The following DNMT3A variants were observed in gnomAD, a reference collection of about 807,000 sequenced individuals.
DNMT3A encodes DNA (cytosine-5)-methyltransferase 3A.
Under a neutral mutation model 117.6 loss-of-function variants are expected in DNMT3A, and 267 were observed. That is an observed-to-expected ratio of 2.27 (90% CI 2.05 to 2.51). The LOEUF is 2.51. DNMT3A is among the 30% of genes most tolerant of loss of function. The pLI, the probability that DNMT3A is intolerant of heterozygous loss-of-function variation, is 0.00. For missense variants in DNMT3A, 1,029 were observed against 1,260.2 expected (o/e 0.82, Z 2.78); for synonymous variants, 432 against 474.8 (o/e 0.91, Z 1.17).
At chr2:25,329,870 G>T (rs1035872613) in intron 1 of DNMT3A, among the ~76,000 whole-genome samples, 1 of 152,188 alleles carries the variant, frequency 6.6e-6, no homozygotes, top group Admixed American at 6.5e-5. Flanking sequence ...CGGGCCTTCC[G>T]ACACAGGCAC....
chr2:25,300,392 C>A, intron 2 of DNMT3A, 149 bp from the exon 3 acceptor site: 1 of 811,276 alleles, frequency 1.2e-6, no homozygotes, highest in Non-Finnish European at 1.9e-6. Context: ...TAATATGCCC[C>A]CACCAACTCC....
At position 25,311,925 on chromosome 2, in the gene DNMT3A, T is replaced by C. The variant is rs1415691107; in HGVS notation, c.72+1988A>G. ...AGCTATTATAATGCAGATCCTGACC[T>C]GCTCCCGTCCATTGGTGGTGGCCTG... is the stretch of plus-strand genomic sequence containing the variant. On this transcript the variant is annotated intron_variant, in intron 2 of 22. Coordinates refer to ENST00000321117, the MANE Select transcript of DNMT3A (RefSeq NM_022552.5). The surrounding 1 kb of genome is among the most constrained non-coding windows in gnomAD (Gnocchi z 5.2). Among the ~76,000 whole-genome samples the C allele has an allele frequency of 6.6e-6, 1 of 152,166 alleles. No individual in the cohort carries two copies. The highest frequency in any genetic ancestry group is 1.5e-5 in the Non-Finnish European group (1 of 68,026).
At chr2:25,323,088 C>G (rs2034658551) in intron 1 of DNMT3A, among the ~76,000 whole-genome samples, 1 of 152,040 alleles carries the variant, frequency 6.6e-6, no homozygotes, top group Admixed American at 6.6e-5. Flanking sequence ...TGACCTCAAC[C>G]CTCACCCCAG....
intron 6 of DNMT3A, among the ~76,000 whole-genome samples, chr2:25,272,708 G>A (rs893712302): frequency 3.3e-5 from 5 of 152,112 alleles, no homozygotes; most frequent in East Asian, 1.9e-4. Flanking sequence ...CCCTTTCTCC[G>A]GGCTCTTCCG....
intron 6 of DNMT3A, among the ~76,000 whole-genome samples, chr2:25,270,771 A>G (rs1450368817): frequency 6.6e-6 from 1 of 152,218 alleles, no homozygotes; most frequent in Admixed American, 6.5e-5. Flanking sequence ...AGGCCCAGGG[A>G]GGCAGTTTCA....
In DNMT3A at chr2:25,305,896, A is replaced by C. The variant is rs998000782; in HGVS notation, c.73-5653T>G. Among the ~76,000 whole-genome samples, 2 of 152,214 alleles carry C rather than the reference A, an allele frequency of 1.3e-5. No homozygotes were observed. The highest frequency in any genetic ancestry group is 4.8e-5 in the African/African-American group (2 of 41,456). On this transcript the variant is annotated intron_variant, in intron 2 of 22. Coordinates refer to ENST00000321117, the MANE Select transcript of DNMT3A (RefSeq NM_022552.5). The surrounding 1 kb of genome is among the most constrained non-coding windows in gnomAD (Gnocchi z 4.1). ...ATACGTGTATTCCCTTCAGTACTTA[A>C]ACCGGATGCTACTGACCCAGCATCG... is the stretch of plus-strand genomic sequence containing the variant.
chr2:25,329,331 A>G (rs190650990), intron 1 of DNMT3A, among the ~76,000 whole-genome samples: 86 of 152,274 alleles, frequency 5.6e-4, no homozygotes, highest in African/African-American at 1.8e-3. Flanking sequence ...TCCCTATTTC[A>G]TAAGTCTATT....
chr2:25,326,104 ATATATGTGTGTG>A (rs1287544316), intron 1 of DNMT3A, among the ~76,000 whole-genome samples: 6 of 109,940 alleles, frequency 5.5e-5, no homozygotes, highest in African/African-American at 2.0e-4. Flanking sequence ...TTAACTTGAT[ATATATGTGTGTG>A]TGTGTGTGTG....
rs2149305195 is a variant in DNMT3A at position 25,247,090 on chromosome 2, C to T, written c.1083G>A (p.Lys361=). 6.2e-7 allele frequency: 1 copy of T among 1,614,162 alleles called. No individual in the cohort carries two copies. Among genetic ancestry groups the T allele is most frequent in the Non-Finnish European group, 8.5e-7 (1 of 1,180,012 alleles). Residue 361 remains lysine (K), a synonymous_variant, in exon 9 of 23, where the codon AAG becomes AAA. Coordinates refer to ENST00000321117, the MANE Select transcript of DNMT3A (RefSeq NM_022552.5). The surrounding 1 kb of genome is among the most constrained non-coding windows in gnomAD (Gnocchi z 5.6). The part of the protein sequence containing the change: ...CSAFHQATYN[K]QPMYRKAIYE... ...AGATGGCTTTGCGGTACATGGGCTG[C>T]TTGTTGTACGTGGCCTGGTGGAACG... is the stretch of plus-strand genomic sequence containing the variant.
intron 6 of DNMT3A, among the ~76,000 whole-genome samples, chr2:25,267,481 G>A (rs1055599432): frequency 3.9e-5 from 6 of 152,140 alleles, no homozygotes; most frequent in Non-Finnish European, 8.8e-5. Flanking sequence ...AGGCTTAGGT[G>A]GGAGGATCAC....
At chr2:25,242,642 C>T (rs193257875) in intron 16 of DNMT3A, among the ~76,000 whole-genome samples, 14 of 152,284 alleles carry the variant, frequency 9.2e-5, no homozygotes. Flanking sequence ...AACCAGGGTC[C>T]CTGGGTTGAG....
At position 25,341,610 on chromosome 2, in the gene DNMT3A, TAAAC is replaced by T. The variant is rs963661286; in HGVS notation, c.-178+212_-178+215del. ...GGCGCCTGCCGAGCCCGCGGGGACA[TAAAC>T]AAACCCTCAAATCCCCCGCGCCGCC... On this transcript the variant is annotated intron_variant, in intron 1 of 22. Coordinates refer to ENST00000321117, the MANE Select transcript of DNMT3A (RefSeq NM_022552.5). Among the ~76,000 whole-genome samples the T allele has an allele frequency of 2.7e-5, 4 of 145,596 alleles. No homozygotes were observed. The East Asian group carries it at 6.2e-4, about 22-fold the overall frequency.
chr2:25,326,746 C>A (rs1237612672), intron 1 of DNMT3A, among the ~76,000 whole-genome samples: 3 of 152,216 alleles, frequency 2.0e-5, no homozygotes, highest in Non-Finnish European at 4.4e-5. Flanking sequence ...TGTGCTGCTG[C>A]AGCTTCTCCA....
chr2:25,249,497 ACC>A, intron 6 of DNMT3A: 1 of 794,338 alleles, frequency 1.3e-6, no homozygotes, highest in East Asian at 2.6e-5. Flanking sequence ...ACCAGATTCG[ACC>A]CCTTCTATGT....
chr2:25,291,569 T>A (rs1255099213), intron 3 of DNMT3A, among the ~76,000 whole-genome samples: 1 of 152,162 alleles, frequency 6.6e-6, no homozygotes, highest in Non-Finnish European at 1.5e-5. Flanking sequence ...GCGCAGCCAG[T>A]GGGGTCAGGG....
In DNMT3A at chr2:25,247,009, T is replaced by C; in HGVS notation, c.1122+42A>G. The C allele has an allele frequency of 6.3e-7, 1 of 1,593,992 alleles. No individual in the cohort carries two copies. Among genetic ancestry groups the C allele is most frequent in the Non-Finnish European group, 8.6e-7 (1 of 1,168,898 alleles). On this transcript the variant is annotated intron_variant, in intron 9 of 22. Transcript: ENST00000321117. This position sits in a 1 kb window ranked among gnomAD's most constrained non-coding sequence, Gnocchi z 5.6. ...GCACTCCAACTTCCAGGCCTCCTAG[T>C]GCTCTAGGCTCCTCCTCCGAGCTCC...
rs1404620928 is a variant in DNMT3A, at chr2:25,337,390, C to T, written c.-178+4436G>A. Among the ~76,000 whole-genome samples the T allele has an allele frequency of 3.3e-5, 5 of 152,210 alleles. No homozygotes were observed. Among genetic ancestry groups the T allele is most frequent in the African/African-American group, 1.2e-4 (5 of 41,454 alleles). ...AAAACAGACACAGCTAACAGGAGGGCTCCCGCTCCTCTAAGGCTGTAACGC... is the reference window on the plus strand; with the variant it reads ...AAAACAGACACAGCTAACAGGAGGGTTCCCGCTCCTCTAAGGCTGTAACGC... On this transcript the variant is annotated intron_variant, in intron 1 of 22. Transcript: ENST00000321117. This position sits in a 1 kb window ranked among gnomAD's most constrained non-coding sequence, Gnocchi z 5.0.
chr2:25,307,548 C>A (rs963431649), intron 2 of DNMT3A, among the ~76,000 whole-genome samples: 2 of 150,442 alleles, frequency 1.3e-5, no homozygotes, highest in African/African-American at 4.9e-5. Context: ...TCACTGCAAC[C>A]TCCACCTACC....
intron 6 of DNMT3A, 145 bp from the exon 7 acceptor site, chr2:25,248,397 T>A (rs796265251): frequency 1.2e-6 from 1 of 860,524 alleles, no homozygotes; most frequent in South Asian, 1.6e-5. Flanking sequence ...TGCCTTGCCG[T>A]GAAAAATGGA....
Sources: allele counts gnomAD v4.1 joint callset (sites outside exome capture counted in the v4.1 genomes callset), GRCh38; gene constraint gnomAD v4.1.1; non-coding constraint Gnocchi (gnomAD v3.1); transcripts MANE v1.5; gene names NCBI Gene and HGNC (gene_info 2026-07-23, HGNC 2026-07-21).